The following CHN2 variants were observed in gnomAD, a reference collection of about 807,000 sequenced individuals.
The protein encoded by CHN2 is beta-chimaerin.
Under a neutral mutation model 56.3 loss-of-function variants are expected in CHN2, and 35 were observed. The observed-to-expected ratio is 0.62, with a 90% confidence interval of 0.47 to 0.82. The LOEUF is 0.82. Among genes scored for constraint, CHN2 ranks in the 40% least tolerant of loss-of-function variants. CHN2 has a pLI of 0.00. For synonymous variants in CHN2, 210 were observed against 212.8 expected (o/e 0.99, Z 0.12); for missense variants, 491 against 580.5 (o/e 0.85, Z 1.58).
chr7:29,269,217 C>T lies in CHN2; in HGVS notation c.49+74227C>T, dbSNP rs114428186. Reference sequence around the variant, plus strand: ...TATTCCCCTCTCCCCACTACTCTGCCAGCCTCTGGCAACCATCATTCTACT... The same window carrying T: ...TATTCCCCTCTCCCCACTACTCTGCTAGCCTCTGGCAACCATCATTCTACT... On this transcript the variant is annotated intron_variant, in intron 1 of 12. Coordinates refer to ENST00000222792, the MANE Select transcript of CHN2 (RefSeq NM_004067.4). 4.8e-3 allele frequency among the ~76,000 whole-genome samples: 725 copies of T among 152,272 alleles called. 4 individuals are homozygous for T. The highest frequency in any genetic ancestry group is 0.017 in the African/African-American group (696 of 41,550).
chr7:29,389,319 CTT>C (rs1801179864), intron 3 of CHN2, among the ~76,000 whole-genome samples: 1 of 152,234 alleles, frequency 6.6e-6, no homozygotes, highest in South Asian at 2.1e-4. Flanking sequence ...CTCCAAATAA[CTT>C]ATGCCGGTTT....
chr7:29,355,604 G>C (rs1798230711), intron 2 of CHN2, among the ~76,000 whole-genome samples: 1 of 151,706 alleles, frequency 6.6e-6, no homozygotes, highest in African/African-American at 2.4e-5. Context: ...ACTGTGTCCA[G>C]AGCCAGGGTG....
chr7:29,188,653 A>G (rs1391356768), intron 2 of CHN2, among the ~76,000 whole-genome samples: 3 of 152,138 alleles, frequency 2.0e-5, no homozygotes, highest in Non-Finnish European at 4.4e-5. Flanking sequence ...CATTCAGAGT[A>G]CAGGATCTGC....
intron 9 of CHN2, among the ~76,000 whole-genome samples, chr7:29,501,060 A>C (rs1210846852): frequency 1.3e-5 from 2 of 152,152 alleles, no homozygotes; most frequent in East Asian, 3.9e-4. Context: ...GCTATCCATT[A>C]TTGTGTCCTA....
At chr7:29,322,800 G>GC (rs1249958727) in intron 1 of CHN2, among the ~76,000 whole-genome samples, 1 of 152,188 alleles carries the variant, frequency 6.6e-6, no homozygotes, top group African/African-American at 2.4e-5. Context: ...GCACTGTGTA[G>GC]CCATGCCTAA....
At chr7:29,493,874 A>G (rs569400082) in intron 7 of CHN2, among the ~76,000 whole-genome samples, 7 of 152,190 alleles carry the variant, frequency 4.6e-5, no homozygotes, top group Admixed American at 2.0e-4. Flanking sequence ...ATAATCTTTT[A>G]AAAAAATCTA....
intron 3 of CHN2, among the ~76,000 whole-genome samples, chr7:29,388,621 C>G (rs565047907): frequency 6.6e-6 from 1 of 152,270 alleles, no homozygotes; most frequent in South Asian, 2.1e-4. Flanking sequence ...CAAACCTAGG[C>G]AGTTTGAGTC....
intron 1 of CHN2, among the ~76,000 whole-genome samples, chr7:29,228,903 C>T (rs1156931084): frequency 6.6e-6 from 1 of 152,252 alleles, no homozygotes; most frequent in Non-Finnish European, 1.5e-5. Flanking sequence ...TTCCTGAGCT[C>T]TGCTTTCACG....
chr7:29,273,388 T>A (rs1364624142), intron 1 of CHN2, among the ~76,000 whole-genome samples: 1 of 41,920 alleles, frequency 2.4e-5, no homozygotes, highest in Non-Finnish European at 4.2e-5. Context: ...TATATATATA[T>A]ACACACACCA....
chr7:29,504,916 T>A, intron 10 of CHN2, 95 bp downstream of exon 10: 2 of 805,734 alleles, frequency 2.5e-6, no homozygotes, highest in Non-Finnish European at 2.1e-6. Context: ...GTTTCAGAAC[T>A]ACTAAGAGTT....
chr7:29,508,560 C>T (rs559611838), intron 11 of CHN2, among the ~76,000 whole-genome samples: 5 of 152,210 alleles, frequency 3.3e-5, no homozygotes, highest in East Asian at 1.9e-4. Context: ...GCCCTGACCC[C>T]GGTAAGACTA....
intron 6 of CHN2, among the ~76,000 whole-genome samples, chr7:29,466,454 T>G (rs1375735176): frequency 6.6e-6 from 1 of 152,208 alleles, no homozygotes; most frequent in Non-Finnish European, 1.5e-5. Flanking sequence ...TTTAAAACTT[T>G]TAGTTCTCTT....
At chr7:29,158,386 A>G (rs575378835) in intron 2 of CHN2, among the ~76,000 whole-genome samples, 2 of 152,342 alleles carry the variant, frequency 1.3e-5, no homozygotes, top group South Asian at 4.1e-4. Context: ...TAAAACATGT[A>G]ACATGATGTC....
chr7:29,199,012 G>A (rs1261429753), intron 1 of CHN2, among the ~76,000 whole-genome samples: 1 of 152,212 alleles, frequency 6.6e-6, no homozygotes, highest in East Asian at 1.9e-4. Context: ...TAACAAGTCA[G>A]TATTAGGTGC....
chr7:29,415,209 G>A (rs1337625785), intron 6 of CHN2, among the ~76,000 whole-genome samples: 1 of 152,236 alleles, frequency 6.6e-6, no homozygotes, highest in East Asian at 1.9e-4. Flanking sequence ...TAAGAAAGAA[G>A]TGGACTCTTT....
intron 7 of CHN2, among the ~76,000 whole-genome samples, chr7:29,487,270 C>T (rs1788129972): frequency 6.6e-6 from 1 of 151,036 alleles, no homozygotes; most frequent in Admixed American, 6.6e-5. Context: ...GGCTGTTTTG[C>T]CAGAAACAAG....
chr7:29,510,081 G>A (rs1167699018), intron 12 of CHN2, among the ~76,000 whole-genome samples: 1 of 152,094 alleles, frequency 6.6e-6, no homozygotes, highest in Non-Finnish European at 1.5e-5. Context: ...CCAGGCTCCT[G>A]AGACTGCCTG....
At chr7:29,275,254 T>C (rs1791093258) in intron 1 of CHN2, among the ~76,000 whole-genome samples, 1 of 152,194 alleles carries the variant, frequency 6.6e-6, no homozygotes, top group South Asian at 2.1e-4. Context: ...TATCAGACAT[T>C]ATTGTAATAT....
intron 1 of CHN2, among the ~76,000 whole-genome samples, chr7:29,235,875 G>C (rs1381219514): frequency 6.6e-6 from 1 of 152,198 alleles, no homozygotes; most frequent in Non-Finnish European, 1.5e-5. Context: ...CAGGCACTGG[G>C]CCGGCTTGAA....
Sources: gnomAD v4.1 joint callset for allele counts (sites outside exome capture counted in the v4.1 genomes callset) on GRCh38, gnomAD v4.1.1 for gene constraint, MANE v1.5 for transcripts, NCBI Gene and HGNC (gene_info 2026-07-23, HGNC 2026-07-21) for gene names.